FBXL14: variants seen among roughly 807,000 people sequenced by gnomAD.
FBXL14 encodes F-box/LRR-repeat protein 14.
FBXL14 carries 11 observed loss-of-function variants against 24.5 expected under a neutral mutation model. The ratio of observed to expected loss-of-function variants is 0.45; its 90% CI spans 0.28 to 0.74. The LOEUF is 0.74. Ranked by LOEUF, FBXL14 falls within the 30% of genes least tolerant of loss-of-function variation. FBXL14 has a pLI of 0.12. For missense variants in FBXL14, 384 were observed against 545.6 expected, an observed-to-expected ratio of 0.70 and a Z score of 2.95; for synonymous variants, 294 against 240.4, an observed-to-expected ratio of 1.22 and a Z score of -2.06.
Position 1,593,241 on chromosome 12 carries a change from T to C in FBXL14, c.826A>G (p.Met276Val), listed in dbSNP as rs2094494517. 1.9e-6 allele frequency: 3 copies of C among 1,612,682 alleles called. No individual in the cohort carries two copies. Among genetic ancestry groups the C allele is most frequent in the African/African-American group, 2.7e-5 (2 of 74,932 alleles). The change falls in exon 1 of 2, where the codon ATG (methionine) becomes GTG (valine). Residue 276 changes from methionine (M) to valine (V), a missense_variant. Met to Val is a conservative substitution (Grantham distance 21). Transcript: ENST00000339235. The surrounding 1 kb of genome is among the most constrained non-coding windows in gnomAD (Gnocchi z 7.4). ...ISDTGIMHLA[M>V]GSLRLSGLDV... ...AGCCCCGAGAGGCGCAGGCTGCCCATGGCCAGATGCATGATGCCCGTGTCA... is the reference window on the plus strand; with the variant it reads ...AGCCCCGAGAGGCGCAGGCTGCCCACGGCCAGATGCATGATGCCCGTGTCA...
rs2094436642 is a variant in FBXL14 at position 1,566,552 on chromosome 12, T to C, written c.*196A>G. The C allele has an allele frequency of 1.6e-5, 8 of 513,152 alleles. No individual in the cohort carries two copies. Among genetic ancestry groups the C allele is most frequent in the Non-Finnish European group, 2.8e-5 (8 of 287,828 alleles). 31.8% of individuals were successfully genotyped at this position (513,152 alleles called of 1,614,324 possible). A position where few individuals can be genotyped will look rare whatever the true frequency, so the allele number is the denominator to read the frequency against. On this transcript the variant is annotated 3_prime_UTR_variant, in exon 2 of 2. Coordinates refer to ENST00000339235, the MANE Select transcript of FBXL14 (RefSeq NM_152441.3). Reference sequence around the variant, plus strand: ...GAAGCGAGGTCTCAGAGCAAACCACTGTCCCCAGAACTGGAGAAACCGGCA... The same window carrying C: ...GAAGCGAGGTCTCAGAGCAAACCACCGTCCCCAGAACTGGAGAAACCGGCA...
chr12:1,591,043 C>CT (rs1469186538), intron 1 of FBXL14, among the ~76,000 whole-genome samples: 1 of 152,200 alleles, frequency 6.6e-6, no homozygotes, highest in African/African-American at 2.4e-5. Flanking sequence ...GAAACTGTGA[C>CT]TTACATACAA....
chr12:1,583,064 C>G (rs1473963208), intron 1 of FBXL14, among the ~76,000 whole-genome samples: 3 of 151,900 alleles, frequency 2.0e-5, no homozygotes, highest in Non-Finnish European at 4.4e-5. Flanking sequence ...CATAGACTCT[C>G]TTATATTTTA....
Position 1,593,886 on chromosome 12 carries a change from G to A in FBXL14, c.181C>T (p.Leu61=). The change falls in exon 1 of 2, where the codon CTG becomes TTG. Residue 61 remains leucine (L), a synonymous_variant. Transcript: ENST00000339235. This position sits in a 1 kb window ranked among gnomAD's most constrained non-coding sequence, Gnocchi z 7.4. The part of the protein sequence containing the change: ...KLHLRRANPS[L]FPSLQARGIR... ...CCCCGGGCCTGCAGGCTGGGGAACA[G>A]CGACGGGTTGGCCCGGCGCAGGTGC... The A allele has an allele frequency of 1.2e-6, 2 of 1,608,602 alleles. No homozygotes were observed. The highest frequency in any genetic ancestry group is 1.1e-5 in the South Asian group (1 of 90,974).
Position 1,593,646 on chromosome 12 carries a change from A to C in FBXL14, c.421T>G (p.Tyr141Asp), listed in dbSNP as rs773602952. Residue 141 changes from tyrosine (Y) to aspartate (D), a missense_variant, in exon 1 of 2, where the codon TAC becomes GAC. Coordinates refer to ENST00000339235, the MANE Select transcript of FBXL14 (RefSeq NM_152441.3). The surrounding 1 kb of genome is among the most constrained non-coding windows in gnomAD (Gnocchi z 7.4). ...TCCAGCACCTCCAGGCCCTTGAGGTACTGGGCTATGCGGCCCAGGCTGCTG... is the reference window on the plus strand; with the variant it reads ...TCCAGCACCTCCAGGCCCTTGAGGTCCTGGGCTATGCGGCCCAGGCTGCTG... ...TDSSLGRIAQ[Y>D]LKGLEVLELG... is the part of the protein sequence containing the mutation. The C allele has an allele frequency of 2.5e-6, 4 of 1,614,008 alleles. No homozygotes were observed. The highest frequency in any genetic ancestry group is 2.5e-6 in the Non-Finnish European group (3 of 1,180,020).
chr12:1,593,087 C>T lies in FBXL14; in HGVS notation c.980G>A (p.Arg327Gln). ...ISDDGINRMV[R>Q]QMHGLRTLNI... ...GAGCGTGCGCAGCCCGTGCATCTGCCGCACCATGCGGTTGATGCCATCATC... is the reference window on the plus strand; with the variant it reads ...GAGCGTGCGCAGCCCGTGCATCTGCTGCACCATGCGGTTGATGCCATCATC... The change falls in exon 1 of 2, where the codon CGG becomes CAG. Residue 327 changes from arginine to glutamine, a missense_variant. Coordinates refer to ENST00000339235, the MANE Select transcript of FBXL14 (RefSeq NM_152441.3). The surrounding 1 kb of genome is among the most constrained non-coding windows in gnomAD (Gnocchi z 7.4). 3 of 1,613,290 alleles carry T rather than the reference C, an allele frequency of 1.9e-6. No individual in the cohort carries two copies. Among genetic ancestry groups the T allele is most frequent in the Non-Finnish European group, 2.5e-6 (3 of 1,180,038 alleles).
chr12:1,573,262 C>T (rs2094448539), intron 1 of FBXL14, among the ~76,000 whole-genome samples: 1 of 152,168 alleles, frequency 6.6e-6, no homozygotes, highest in Admixed American at 6.5e-5. Context: ...GAGGCATTCT[C>T]TGACCCCTAG....
chr12:1,589,887 AG>A (rs1404654421), intron 1 of FBXL14, among the ~76,000 whole-genome samples: 1 of 152,238 alleles, frequency 6.6e-6, no homozygotes, highest in Non-Finnish European at 1.5e-5. Context: ...TAACGTAAAA[AG>A]GAGACAAAAC....
At position 1,567,298 on chromosome 12, in the gene FBXL14, A is replaced by G. The variant is rs1006102049; in HGVS notation, c.1195-488T>C. 6.6e-5 allele frequency among the ~76,000 whole-genome samples: 10 copies of G among 151,948 alleles called. No individual in the cohort carries two copies. Among genetic ancestry groups the G allele is most frequent in the African/African-American group, 9.7e-5 (4 of 41,348 alleles). On this transcript the variant is annotated intron_variant, in intron 1 of 1. Coordinates refer to ENST00000339235, the MANE Select transcript of FBXL14 (RefSeq NM_152441.3). The surrounding 1 kb of genome is among the most constrained non-coding windows in gnomAD (Gnocchi z 4.8). ...GCCAATATGGCAAAACCCCATCTCT[A>G]CTAAAAATAAAAATTAAAAAAAAGG...
At chr12:1,592,339 C>T (rs990410165) in intron 1 of FBXL14, among the ~76,000 whole-genome samples, 75 of 151,694 alleles carry the variant, frequency 4.9e-4, no homozygotes, top group African/African-American at 1.7e-3. Flanking sequence ...TAGCAGAGTA[C>T]TGTAAGAGGA....
At chr12:1,590,776 T>C (rs2094487758) in intron 1 of FBXL14, among the ~76,000 whole-genome samples, 1 of 152,168 alleles carries the variant, frequency 6.6e-6, no homozygotes, top group Admixed American at 6.5e-5. Context: ...AAAAGAGGGC[T>C]TGAGCTGCCC....
Position 1,594,154 on chromosome 12 carries a change from C to T in FBXL14, c.-88G>A. 1.3e-6 allele frequency: 1 copy of T among 791,570 alleles called. No homozygotes were observed. Among genetic ancestry groups the T allele is most frequent in the Non-Finnish European group, 1.6e-6 (1 of 626,370 alleles). 49.0% of individuals were successfully genotyped at this position (791,570 alleles called of 1,614,324 possible). A position where few individuals can be genotyped will look rare whatever the true frequency, so the allele number is the denominator to read the frequency against. On this transcript the variant is annotated 5_prime_UTR_variant, in exon 1 of 2. Transcript: ENST00000339235. The stretch of plus-strand genomic sequence containing the variant: ...GGGCAGGCGACGAGAGCGCTTCTCC[C>T]CAGCCGCCGCCGCCGCCGCCGCCGC...
chr12:1,585,453 A>G (rs1469868334), intron 1 of FBXL14, among the ~76,000 whole-genome samples: 1 of 152,216 alleles, frequency 6.6e-6, no homozygotes, highest in Non-Finnish European at 1.5e-5. Context: ...GTTTGAGGCC[A>G]AGATTTCCTA....
At chr12:1,576,900 T>A (rs1477653531) in intron 1 of FBXL14, among the ~76,000 whole-genome samples, 1 of 152,216 alleles carries the variant, frequency 6.6e-6, no homozygotes, top group Non-Finnish European at 1.5e-5. Context: ...ATTTTAACTA[T>A]TAGTTAGTAA....
chr12:1,570,412 C>T (rs879542047), intron 1 of FBXL14, among the ~76,000 whole-genome samples: 1 of 152,094 alleles, frequency 6.6e-6, no homozygotes, highest in Non-Finnish European at 1.5e-5. Context: ...TCCTTCCTAC[C>T]GGGGTGGGCA....
chr12:1,591,274 AACAAC>A (rs2094489001), intron 1 of FBXL14, among the ~76,000 whole-genome samples: 2 of 151,986 alleles, frequency 1.3e-5, no homozygotes. Context: ...AGAGTATACA[AACAAC>A]ACCTCCTACC....
intron 1 of FBXL14, among the ~76,000 whole-genome samples, chr12:1,575,819 C>T (rs944914339): frequency 6.6e-6 from 1 of 152,082 alleles, no homozygotes; most frequent in Non-Finnish European, 1.5e-5. Context: ...GTGGTAGTGT[C>T]CTTAGGGAAC....
intron 1 of FBXL14, among the ~76,000 whole-genome samples, chr12:1,589,379 C>A (rs2094483771): frequency 1.0e-5 from 1 of 100,104 alleles, no homozygotes; most frequent in African/African-American, 4.0e-5. Flanking sequence ...GCCTAGGCAA[C>A]AGATCAAGAC....
At position 1,566,498 on chromosome 12, in the gene FBXL14, A is replaced by G. The variant is rs1199261018; in HGVS notation, c.*250T>C. On this transcript the variant is annotated 3_prime_UTR_variant, in exon 2 of 2. Transcript: ENST00000339235. ...AGCAAGTAAAAAGCTGAACAGACTG[A>G]AAAAGCAAGTCTCCTTGGATCCATA... The G allele has an allele frequency of 7.2e-6, 3 of 418,394 alleles. No individual in the cohort carries two copies. The highest frequency in any genetic ancestry group is 4.0e-5 in the African/African-American group (2 of 49,414). 25.9% of individuals were successfully genotyped at this position (418,394 alleles called of 1,614,324 possible).
Sources: allele counts gnomAD v4.1 joint callset (sites outside exome capture counted in the v4.1 genomes callset), GRCh38; gene constraint gnomAD v4.1.1; non-coding constraint Gnocchi (gnomAD v3.1); transcripts MANE v1.5; gene names NCBI Gene and HGNC (gene_info 2026-07-23, HGNC 2026-07-21).